The following SHCBP1 variants were observed in gnomAD, a reference collection of about 807,000 sequenced individuals.
SHCBP1 encodes SHC binding and spindle associated 1.
Under a neutral mutation model 75.1 loss-of-function variants are expected in SHCBP1, and 60 were observed. That is an observed-to-expected ratio of 0.80 (90% CI 0.65 to 0.99). The LOEUF (loss-of-function observed/expected upper bound fraction) is 0.99. Among genes scored for constraint, SHCBP1 ranks in the 50% least tolerant of loss-of-function variants. The pLI is 0.00. For synonymous variants in SHCBP1, 290 were observed against 293.2 expected, an observed-to-expected ratio of 0.99 and a Z score of 0.11; for missense variants, 709 against 809.4, an observed-to-expected ratio of 0.88 and a Z score of 1.50.
intron 10 of SHCBP1, among the ~76,000 whole-genome samples, chr16:46,589,552 C>G (rs1173535025): frequency 1.3e-5 from 2 of 152,142 alleles, no homozygotes; most frequent in Admixed American, 1.3e-4. Context: ...AGAGTCAAAT[C>G]ATAAGTGAAC....
At chr16:46,600,784 A>C (rs1965222091) in intron 8 of SHCBP1, among the ~76,000 whole-genome samples, 1 of 152,218 alleles carries the variant, frequency 6.6e-6, no homozygotes, top group East Asian at 1.9e-4. Flanking sequence ...AGGCTGAGGC[A>C]GGTGGATCAC....
intron 4 of SHCBP1, among the ~76,000 whole-genome samples, chr16:46,609,235 C>G (rs1166513953): frequency 6.6e-6 from 1 of 152,042 alleles, no homozygotes; most frequent in African/African-American, 2.4e-5. Context: ...AGCCAAGGCA[C>G]AAGAATCGCT....
At chr16:46,597,576 G>A (rs955164887) in intron 9 of SHCBP1, among the ~76,000 whole-genome samples, 3 of 152,134 alleles carry the variant, frequency 2.0e-5, no homozygotes, top group African/African-American at 7.2e-5. Context: ...ACAATCCTCT[G>A]AGCCTTCAGC....
chr16:46,597,832 T>C lies in SHCBP1; in HGVS notation c.1345+1999A>G, dbSNP rs1965167252. Reference sequence around the variant, plus strand: ...AAAATTGGAGTCAATCCCATCAAAGTCTGCCTCTGCTTTACCAAGTTTACC... The same window carrying C: ...AAAATTGGAGTCAATCCCATCAAAGCCTGCCTCTGCTTTACCAAGTTTACC... On this transcript the variant is annotated intron_variant, in intron 9 of 12. Coordinates refer to ENST00000303383, the MANE Select transcript of SHCBP1 (RefSeq NM_024745.5). Among the ~76,000 whole-genome samples, 3 of 152,236 alleles carry C rather than the reference T, an allele frequency of 2.0e-5. No homozygotes were observed. The South Asian group carries it at 6.2e-4, about 31-fold the overall frequency.
chr16:46,604,606 GTAA>G (rs200718997), intron 5 of SHCBP1, 145 bp from the exon 6 acceptor site: 1,036 of 569,252 alleles, frequency 1.8e-3, no homozygotes, highest in South Asian at 3.6e-3. Context: ...GAATAGCACT[GTAA>G]TAATAATAAT....
At position 46,579,646 on chromosome 16, in the gene SHCBP1, A is replaced by C. The variant is rs1596664635; in HGVS notation, c.*2083T>G. Among the ~76,000 whole-genome samples the C allele has an allele frequency of 6.6e-6, 1 of 151,948 alleles. No homozygotes were observed. The highest frequency in any genetic ancestry group is 1.9e-4 in the East Asian group (1 of 5,182). ...GAAACCCCATATCTACTAAAAATAC[A>C]AAAAAAAGGCCAGGCACGTGGCTCA... On this transcript the variant is annotated 3_prime_UTR_variant, in exon 13 of 13. Transcript: ENST00000303383.
In SHCBP1 at chr16:46,616,256, G is replaced by T. The variant is rs1965498560; in HGVS notation, c.388-102C>A. The T allele has an allele frequency of 1.7e-6, 2 of 1,160,500 alleles. No individual in the cohort carries two copies. The highest frequency in any genetic ancestry group is 2.2e-5 in the Admixed American group (1 of 45,920). The allele number at this position is 1,160,500 out of a possible 1,614,324, so 71.9% of individuals were successfully genotyped here. A position where few individuals can be genotyped will look rare whatever the true frequency, so the allele number is the denominator to read the frequency against. On this transcript the variant is annotated intron_variant, in intron 3 of 12. Coordinates refer to ENST00000303383, the MANE Select transcript of SHCBP1 (RefSeq NM_024745.5). The surrounding 1 kb of genome is among the most constrained non-coding windows in gnomAD (Gnocchi z 4.4). ...GATTTTTTTAAAAGCATACAACATG[G>T]GTGGGGAGGCTTTACCCATAATATA...
chr16:46,591,141 G>A (rs1001056641), intron 10 of SHCBP1, among the ~76,000 whole-genome samples: 1 of 152,098 alleles, frequency 6.6e-6, no homozygotes, highest in African/African-American at 2.4e-5. Context: ...CACAGGGTGG[G>A]GAACATCACA....
At chr16:46,621,029 A>G (rs1028827902) in intron 1 of SHCBP1, 6 of 438,582 alleles carry the variant, frequency 1.4e-5, no homozygotes, top group Admixed American at 4.0e-5. Context: ...CGGAGGCCAG[A>G]GAGTGCAGGG....
chr16:46,618,185 A>G lies in SHCBP1; in HGVS notation c.271+20T>C. 1 of 1,574,466 alleles carries G rather than the reference A, an allele frequency of 6.4e-7. No homozygotes were observed. Among genetic ancestry groups the G allele is most frequent in the Non-Finnish European group, 8.6e-7 (1 of 1,166,158 alleles). ...GAGCGAAACTCCATCTCAAAAAAAA[A>G]AAGCAAAAAACCTACTCACCTAAAA... On this transcript the variant is annotated intron_variant, in intron 2 of 12. Coordinates refer to ENST00000303383, the MANE Select transcript of SHCBP1 (RefSeq NM_024745.5).
chr16:46,581,947 T>C lies in SHCBP1; in HGVS notation c.1801A>G (p.Arg601Gly), dbSNP rs1254228654. Residue 601 changes from arginine to glycine, a missense_variant, in exon 13 of 13, where the codon AGA becomes GGA. By Grantham distance (125) the Arg-to-Gly change is moderately radical. Coordinates refer to ENST00000303383, the MANE Select transcript of SHCBP1 (RefSeq NM_024745.5). ...TCGACTTGCTCAGAAGGGTCAGTTC[T>C]TGCACAAAGCTCCATTTTACCAGTT... is the stretch of plus-strand genomic sequence containing the variant. ...CATGKMELCARTDPSEQVEGN... is the reference protein window; with the variant it reads ...CATGKMELCAGTDPSEQVEGN... 1 of 1,614,226 alleles carries C rather than the reference T, an allele frequency of 6.2e-7. No individual in the cohort carries two copies. The highest frequency in any genetic ancestry group is 8.5e-7 in the Non-Finnish European group (1 of 1,180,036).
intron 5 of SHCBP1, among the ~76,000 whole-genome samples, chr16:46,605,899 G>A (rs1965319014): frequency 1.3e-5 from 2 of 150,430 alleles, no homozygotes; most frequent in Non-Finnish European, 2.9e-5. Context: ...TGAATTAGGT[G>A]AAGCTTGAAA....
chr16:46,616,345 A>T lies in SHCBP1; in HGVS notation c.388-191T>A, dbSNP rs906081089. On this transcript the variant is annotated intron_variant, in intron 3 of 12. Transcript: ENST00000303383. This position sits in a 1 kb window ranked among gnomAD's most constrained non-coding sequence, Gnocchi z 4.4. ...GCTTACACTGTAATCAGGGAGATCA[A>T]CAAACACAATGATAACCAGTAGGTG... Among the ~76,000 whole-genome samples, 1 of 152,240 alleles carries T rather than the reference A, an allele frequency of 6.6e-6. No homozygotes were observed. The highest frequency in any genetic ancestry group is 2.4e-5 in the African/African-American group (1 of 41,460).
chr16:46,583,414 A>T, intron 12 of SHCBP1, 102 bp downstream of exon 12: 1 of 1,274,834 alleles, frequency 7.8e-7, no homozygotes, highest in Non-Finnish European at 1.1e-6. Context: ...GCATATCCCA[A>T]CAACCTTTTT....
chr16:46,609,533 C>T (rs1333504703), intron 4 of SHCBP1, among the ~76,000 whole-genome samples: 1 of 148,136 alleles, frequency 6.8e-6, no homozygotes, highest in Non-Finnish European at 1.5e-5. Flanking sequence ...CTCACTGCAA[C>T]CTCTGCCTCC....
At chr16:46,587,972 C>A (rs74550746) in intron 10 of SHCBP1, among the ~76,000 whole-genome samples, 2 of 152,140 alleles carry the variant, frequency 1.3e-5, no homozygotes, top group Non-Finnish European at 2.9e-5. Flanking sequence ...GTCTCTCAGA[C>A]CACAGTGCAA....
intron 1 of SHCBP1, among the ~76,000 whole-genome samples, chr16:46,620,001 C>T (rs1965560207): frequency 6.6e-6 from 1 of 152,026 alleles, no homozygotes; most frequent in Non-Finnish European, 1.5e-5. Flanking sequence ...TGTGCCACTG[C>T]ACTCCAGCCT....
rs566697473 is a variant in SHCBP1, at chr16:46,579,994, G to A, written c.*1735C>T. Reference sequence around the variant, plus strand: ...AAAAAAATTAGCTGGGCATGGTGGCGGGCACCTATAATCCCAGCTACTCAG... The same window carrying A: ...AAAAAAATTAGCTGGGCATGGTGGCAGGCACCTATAATCCCAGCTACTCAG... On this transcript the variant is annotated 3_prime_UTR_variant, in exon 13 of 13. Transcript: ENST00000303383. Among the ~76,000 whole-genome samples, 3 of 150,362 alleles carry A rather than the reference G, an allele frequency of 2.0e-5. No individual in the cohort carries two copies. The highest frequency in any genetic ancestry group is 4.9e-5 in the African/African-American group (2 of 40,880).
In SHCBP1 at chr16:46,621,317, C is replaced by T; in HGVS notation, c.43G>A (p.Ala15Thr). ...CAGCCCATGCGCTCCGGCGCCATGG[C>T]CGCTGCCTCCAGACCGCCGCCCGTC... is the stretch of plus-strand genomic sequence containing the variant. ...SLTGGGLEAA[A>T]MAPERMGWAV... The change falls in exon 1 of 13, where the codon GCC (alanine) becomes ACC (threonine). Residue 15 changes from alanine to threonine, a missense_variant. Coordinates refer to ENST00000303383, the MANE Select transcript of SHCBP1 (RefSeq NM_024745.5). 6.2e-7 allele frequency: 1 copy of T among 1,611,378 alleles called. No individual in the cohort carries two copies.
Sources: allele counts gnomAD v4.1 joint callset (sites outside exome capture counted in the v4.1 genomes callset), GRCh38; gene constraint gnomAD v4.1.1; non-coding constraint Gnocchi (gnomAD v3.1); transcripts MANE v1.5; gene names NCBI Gene and HGNC (gene_info 2026-07-23, HGNC 2026-07-21).